LNX2: variants seen among roughly 807,000 people sequenced by gnomAD.
The protein encoded by LNX2 is ligand of numb-protein X 2, also known as ligand of Numb protein X 2.
LNX2 carries 35 observed loss-of-function variants against 66.2 expected under a neutral mutation model. The ratio of observed to expected loss-of-function variants is 0.53; its 90% CI spans 0.40 to 0.70. LNX2 has a LOEUF of 0.70. Among genes scored for constraint, LNX2 ranks in the 30% least tolerant of loss-of-function variants. The pLI is 0.00. For synonymous variants in LNX2, 337 were observed against 315.6 expected (o/e 1.07, Z -0.72); for missense variants, 791 against 850.8 (o/e 0.93, Z 0.87).
At chr13:27,584,123 G>A (rs891550101) in intron 1 of LNX2, among the ~76,000 whole-genome samples, 1 of 152,198 alleles carries the variant, frequency 6.6e-6, no homozygotes, top group Non-Finnish European at 1.5e-5. Flanking sequence ...AGAACTTAGC[G>A]TGCCTGCCAC....
Position 27,567,832 on chromosome 13 carries a change from T to C in LNX2, c.663A>G (p.Gln221=), listed in dbSNP as rs772179576. Residue 221 remains glutamine (Q), a synonymous_variant, in exon 4 of 10, where the codon CAA becomes CAG. Coordinates refer to ENST00000316334, the MANE Select transcript of LNX2 (RefSeq NM_153371.4). ...CTCCTTCTGGTAAACTAAGTGGCTG[T>C]TGTGTGGCTGCCAAGTTAAAAATGA... is the stretch of plus-strand genomic sequence containing the variant. ...FEESAGADTT[Q]QPLSLPEGEI... is the part of the protein sequence containing the mutation. The C allele has an allele frequency of 9.9e-6, 16 of 1,613,972 alleles. No homozygotes were observed. Among genetic ancestry groups the C allele is most frequent in the Middle Eastern group, 1.6e-4 (1 of 6,062 alleles).
chr13:27,615,058 A>AG (rs957917426), intron 1 of LNX2, among the ~76,000 whole-genome samples: 3 of 151,646 alleles, frequency 2.0e-5, no homozygotes, highest in Non-Finnish European at 4.4e-5. Context: ...AGTGTCCTCT[A>AG]GTTCAATTCA....
At chr13:27,558,578 T>C (rs1045257541) in intron 6 of LNX2, among the ~76,000 whole-genome samples, 1 of 152,074 alleles carries the variant, frequency 6.6e-6, no homozygotes, top group African/African-American at 2.4e-5. Flanking sequence ...AATTATCAAC[T>C]TGTACCTTAT....
chr13:27,567,741 C>T lies in LNX2; in HGVS notation c.754G>A (p.Gly252Ser). 1 of 1,613,824 alleles carries T rather than the reference C, an allele frequency of 6.2e-7. No individual in the cohort carries two copies. The highest frequency in any genetic ancestry group is 8.5e-7 in the Non-Finnish European group (1 of 1,179,888). ...YIQLGISIVG[G>S]NETPLINIVI... is the part of the protein sequence containing the mutation. ...ATGTTAATCAAAGGTGTTTCGTTGC[C>T]ACCCACAATGCTGATTCCTAACTGA... is the stretch of plus-strand genomic sequence containing the variant. The change falls in exon 4 of 10, where the codon GGC becomes AGC. Residue 252 changes from glycine to serine, a missense_variant. By Grantham distance (56) the Gly-to-Ser change is moderately conservative. Coordinates refer to ENST00000316334, the MANE Select transcript of LNX2 (RefSeq NM_153371.4).
intron 5 of LNX2, among the ~76,000 whole-genome samples, chr13:27,560,449 T>C (rs1955117347): frequency 6.6e-6 from 1 of 151,984 alleles, no homozygotes; most frequent in Admixed American, 6.6e-5. Context: ...AATGAAATTC[T>C]GCACAGCTTT....
intron 1 of LNX2, among the ~76,000 whole-genome samples, chr13:27,614,163 AC>A (rs912508212): frequency 3.9e-5 from 6 of 152,186 alleles, no homozygotes; most frequent in Non-Finnish European, 4.4e-5. Context: ...AAATTCAACC[AC>A]CTTTGTAAAG....
chr13:27,548,199 CAATCTT>C lies in LNX2; in HGVS notation c.*130_*135del, dbSNP rs1954965275. 1 of 696,108 alleles carries C rather than the reference CAATCTT, an allele frequency of 1.4e-6. No individual in the cohort carries two copies. The highest frequency in any genetic ancestry group is 2.4e-6 in the Non-Finnish European group (1 of 418,974). 43.1% of individuals were successfully genotyped at this position (696,108 alleles called of 1,614,324 possible). On this transcript the variant is annotated 3_prime_UTR_variant, in exon 10 of 10. Transcript: ENST00000316334. ...AACCATTTAAATAAACATAAACGGACAATCTTAGTGGGTTTTGGCCCTGTGTATACC... is the reference window on the plus strand; with the variant it reads ...AACCATTTAAATAAACATAAACGGACAGTGGGTTTTGGCCCTGTGTATACC...
intron 8 of LNX2, among the ~76,000 whole-genome samples, chr13:27,552,329 C>T (rs1955016333): frequency 6.6e-6 from 1 of 152,220 alleles, no homozygotes; most frequent in African/African-American, 2.4e-5. Context: ...GAGTAGACCA[C>T]TTCTCACCCA....
intron 1 of LNX2, among the ~76,000 whole-genome samples, chr13:27,615,049 G>C (rs537104533): frequency 7.2e-5 from 11 of 151,746 alleles, no homozygotes; most frequent in Non-Finnish European, 1.5e-4. Context: ...CACCAGCTGA[G>C]TGTCCTCTAG....
At chr13:27,562,294 C>A in intron 5 of LNX2, 119 bp downstream of exon 5, 1 of 1,285,846 alleles carries the variant, frequency 7.8e-7, no homozygotes, top group East Asian at 2.3e-5. Flanking sequence ...TAGCCACACC[C>A]GATTTTCTAA....
chr13:27,580,310 T>G (rs915122769), intron 2 of LNX2, among the ~76,000 whole-genome samples: 3 of 151,884 alleles, frequency 2.0e-5, no homozygotes, highest in African/African-American at 7.2e-5. Flanking sequence ...TGAGGGGGAT[T>G]AGATAATCTC....
intron 1 of LNX2, among the ~76,000 whole-genome samples, chr13:27,588,773 G>T (rs760305272): frequency 6.6e-6 from 1 of 152,032 alleles, no homozygotes; most frequent in African/African-American, 2.4e-5. Flanking sequence ...TATTCATTAT[G>T]TTAGTAATGA....
chr13:27,554,213 T>C (rs1309459196), intron 7 of LNX2, among the ~76,000 whole-genome samples: 1 of 152,148 alleles, frequency 6.6e-6, no homozygotes, highest in South Asian at 2.1e-4. Context: ...AAAAAGGAAA[T>C]AAAATTACCC....
intron 6 of LNX2, among the ~76,000 whole-genome samples, chr13:27,557,778 T>G (rs1424462992): frequency 8.5e-5 from 13 of 152,092 alleles, no homozygotes. Context: ...CAGCATAGTA[T>G]TCCCAGAAAA....
chr13:27,568,268 C>G (rs1335629998), intron 3 of LNX2, among the ~76,000 whole-genome samples: 1 of 152,140 alleles, frequency 6.6e-6, no homozygotes, highest in Non-Finnish European at 1.5e-5. Flanking sequence ...AGAGGTGGGT[C>G]TTGAACGGAG....
At chr13:27,586,313 T>C (rs890190706) in intron 1 of LNX2, among the ~76,000 whole-genome samples, 1 of 152,156 alleles carries the variant, frequency 6.6e-6, no homozygotes, top group South Asian at 2.1e-4. Context: ...TAAAATAACA[T>C]GATAGGAAAG....
intron 8 of LNX2, among the ~76,000 whole-genome samples, chr13:27,551,773 G>C (rs1396199290): frequency 6.6e-6 from 1 of 152,134 alleles, no homozygotes; most frequent in Non-Finnish European, 1.5e-5. Flanking sequence ...AAGGTCCCAT[G>C]CACTGGCCTG....
intron 1 of LNX2, among the ~76,000 whole-genome samples, chr13:27,614,236 A>C (rs1955803484): frequency 1.3e-5 from 2 of 152,220 alleles, no homozygotes; most frequent in Non-Finnish European, 2.9e-5. Flanking sequence ...GTATAGACAT[A>C]AACAATTGCC....
chr13:27,572,601 G>T (rs1459803475), intron 2 of LNX2, among the ~76,000 whole-genome samples: 1 of 152,182 alleles, frequency 6.6e-6, no homozygotes, highest in East Asian at 1.9e-4. Flanking sequence ...CCTGCTGAAG[G>T]TTGTTCTTCT....
Sources: gnomAD v4.1 joint callset for allele counts (sites outside exome capture counted in the v4.1 genomes callset) on GRCh38, gnomAD v4.1.1 for gene constraint, MANE v1.5 for transcripts, NCBI Gene and HGNC (gene_info 2026-07-23, HGNC 2026-07-21) for gene names.